ABLIM2: variants seen among roughly 807,000 people sequenced by gnomAD.
ABLIM2 encodes the protein actin binding LIM protein family member 2, also known as actin-binding LIM protein 2.
In ABLIM2, 53 loss-of-function variants were observed where a neutral mutation model predicts 97.7. The observed-to-expected ratio is 0.54, with a 90% confidence interval of 0.44 to 0.68. ABLIM2 has a LOEUF of 0.68. ABLIM2 is among the 30% of genes least tolerant of loss of function. The pLI is 0.00. For synonymous variants in ABLIM2, 361 were observed against 345.8 expected (o/e 1.04, Z -0.49); for missense variants, 835 against 867.2 (o/e 0.96, Z 0.47).
chr4:8,044,844 A>C lies in ABLIM2; in HGVS notation c.900+320T>G, dbSNP rs895107413. On this transcript the variant is annotated intron_variant, in intron 9 of 20. Coordinates refer to ENST00000447017, the MANE Select transcript of ABLIM2 (RefSeq NM_001130083.2). The surrounding 1 kb of genome is among the most constrained non-coding windows in gnomAD (Gnocchi z 4.4). ...CCGCCTGGGTGTCTGGCAAGCCCCA[A>C]CTGTCGGCTGTTGATGTGACGTGTC... Among the ~76,000 whole-genome samples, 1 of 152,176 alleles carries C rather than the reference A, an allele frequency of 6.6e-6. No individual in the cohort carries two copies. Among genetic ancestry groups the C allele is most frequent in the Non-Finnish European group, 1.5e-5 (1 of 68,036 alleles).
chr4:8,056,611 A>T (rs56412105), intron 7 of ABLIM2, among the ~76,000 whole-genome samples: 94,395 of 151,324 alleles, frequency 0.62, 30,110 homozygotes, highest in East Asian at 0.94. Context: ...TACAGACACA[A>T]TTTCATATCC....
In ABLIM2 at chr4:8,083,229, G is replaced by C. The variant is rs192776145; in HGVS notation, c.455-2427C>G. On this transcript the variant is annotated intron_variant, in intron 4 of 20. Coordinates refer to ENST00000447017, the MANE Select transcript of ABLIM2 (RefSeq NM_001130083.2). This position sits in a 1 kb window ranked among gnomAD's most constrained non-coding sequence, Gnocchi z 4.6. ...CAGAGGACAGACAGCAGACAGCAGC[G>C]GTCAGATCCCAGCAATGCCCCCCAC... Among the ~76,000 whole-genome samples, 60 of 152,296 alleles carry C rather than the reference G, an allele frequency of 3.9e-4. No homozygotes were observed. Among genetic ancestry groups the C allele is most frequent in the South Asian group, 6.2e-4 (3 of 4,820 alleles).
Position 8,072,570 on chromosome 4 carries a change from T to G in ABLIM2, c.675+5058A>C, listed in dbSNP as rs539251089. On this transcript the variant is annotated intron_variant, in intron 6 of 20. Coordinates refer to ENST00000447017, the MANE Select transcript of ABLIM2 (RefSeq NM_001130083.2). The surrounding 1 kb of genome is among the most constrained non-coding windows in gnomAD (Gnocchi z 5.8). ...ACCAGATGTTCCAACGTGGCTATGC[T>G]ATTAAGCCAAAAATGCAAACCTGCA... is the stretch of plus-strand genomic sequence containing the variant. Among the ~76,000 whole-genome samples, 44 of 152,294 alleles carry G rather than the reference T, an allele frequency of 2.9e-4. No individual in the cohort carries two copies. The highest frequency in any genetic ancestry group is 1.0e-3 in the African/African-American group (43 of 41,566).
Position 8,054,470 on chromosome 4 carries a change from G to A in ABLIM2, c.764-224C>T, listed in dbSNP as rs1320060. Among the ~76,000 whole-genome samples, 28,870 of 152,236 alleles carry A rather than the reference G, an allele frequency of 0.19. 3,034 individuals are homozygous for A. The highest frequency in any genetic ancestry group is 0.31 in the South Asian group (1,500 of 4,828). ...GGGGCTCACAGCCCAGTTGTGGGAC[G>A]GAGGCAGCAAACAAACAGGGAAATG... On this transcript the variant is annotated intron_variant, in intron 7 of 20. Coordinates refer to ENST00000447017, the MANE Select transcript of ABLIM2 (RefSeq NM_001130083.2). This position sits in a 1 kb window ranked among gnomAD's most constrained non-coding sequence, Gnocchi z 4.9.
chr4:8,008,675 G>A (rs547558389), intron 15 of ABLIM2, among the ~76,000 whole-genome samples: 7 of 152,336 alleles, frequency 4.6e-5, no homozygotes, highest in African/African-American at 7.2e-5. Flanking sequence ...TAGCTGCATC[G>A]GAGATGGTTC....
rs565753710 is a variant in ABLIM2 at position 8,106,729 on chromosome 4, C to T, written c.11-92G>A. On this transcript the variant is annotated intron_variant, in intron 1 of 20. Coordinates refer to ENST00000447017, the MANE Select transcript of ABLIM2 (RefSeq NM_001130083.2). Reference sequence around the variant, plus strand: ...GGCGTGTGAGGACGCACAGCTGACCCTGCCAGCGGGCCCCGCACCCACCAG... The same window carrying T: ...GGCGTGTGAGGACGCACAGCTGACCTTGCCAGCGGGCCCCGCACCCACCAG... 1.3e-4 allele frequency: 186 copies of T among 1,458,086 alleles called. 3 individuals are homozygous for T. The African/African-American group carries it at 2.3e-3, about 18-fold the overall frequency. 90.3% of individuals were successfully genotyped at this position (1,458,086 alleles called of 1,614,324 possible). A position where few individuals can be genotyped will look rare whatever the true frequency, so the allele number is the denominator to read the frequency against.
Position 7,970,465 on chromosome 4 carries a change from G to T in ABLIM2, c.1825-3362C>A, listed in dbSNP as rs544154262. ...AGCTGGCATCAGGTCTTTGCTGGAG[G>T]AGGGAGGAGTGGAGAGGGAGCGGAT... On this transcript the variant is annotated intron_variant, in intron 20 of 20. Transcript: ENST00000447017. The surrounding 1 kb of genome is among the most constrained non-coding windows in gnomAD (Gnocchi z 5.3). 6.6e-6 allele frequency among the ~76,000 whole-genome samples: 1 copy of T among 152,222 alleles called. No individual in the cohort carries two copies. Among genetic ancestry groups the T allele is most frequent in the Non-Finnish European group, 1.5e-5 (1 of 68,006 alleles).
Position 8,005,188 on chromosome 4 carries a change from G to A in ABLIM2, c.1618+2871C>T, listed in dbSNP as rs1234997033. 20 of 409,914 alleles carry A rather than the reference G, an allele frequency of 4.9e-5. No individual in the cohort carries two copies. Among genetic ancestry groups the A allele is most frequent in the East Asian group, 1.9e-4 (3 of 15,452 alleles). 25.4% of individuals were successfully genotyped at this position (409,914 alleles called of 1,614,324 possible). A position where few individuals can be genotyped will look rare whatever the true frequency, so the allele number is the denominator to read the frequency against. On this transcript the variant is annotated intron_variant, in intron 16 of 20. Coordinates refer to ENST00000447017, the MANE Select transcript of ABLIM2 (RefSeq NM_001130083.2). This position sits in a 1 kb window ranked among gnomAD's most constrained non-coding sequence, Gnocchi z 4.9. ...CGGCGGGCAGGCGGCGGCGGGATGC[G>A]TGTGCGCTCGCTCTGTCGGCGTCTC... is the stretch of plus-strand genomic sequence containing the variant.
Position 8,005,323 on chromosome 4 carries a change from T to A in ABLIM2, c.1618+2736A>T, listed in dbSNP as rs746404270. The A allele has an allele frequency of 1.5e-5, 8 of 532,974 alleles. No individual in the cohort carries two copies. The highest frequency in any genetic ancestry group is 3.1e-5 in the Non-Finnish European group (8 of 259,890). The allele number at this position is 532,974 out of a possible 1,614,324, so 33.0% of individuals were successfully genotyped here. A position where few individuals can be genotyped will look rare whatever the true frequency, so the allele number is the denominator to read the frequency against. Reference sequence around the variant, plus strand: ...TGGCACAGAGTGGGTGCTCAATAAATACCCGTTGAATGTAACGCATTTCAA... The same window carrying A: ...TGGCACAGAGTGGGTGCTCAATAAAAACCCGTTGAATGTAACGCATTTCAA... On this transcript the variant is annotated intron_variant, in intron 16 of 20. Coordinates refer to ENST00000447017, the MANE Select transcript of ABLIM2 (RefSeq NM_001130083.2). The surrounding 1 kb of genome is among the most constrained non-coding windows in gnomAD (Gnocchi z 4.9).
chr4:8,045,258 G>T lies in ABLIM2; in HGVS notation c.823-17C>A. The T allele has an allele frequency of 1.2e-6, 2 of 1,606,646 alleles. No homozygotes were observed. Among genetic ancestry groups the T allele is most frequent in the Non-Finnish European group, 1.7e-6 (2 of 1,173,102 alleles). On this transcript the variant is annotated splice_polypyrimidine_tract_variant and intron_variant, in intron 8 of 20. Coordinates refer to ENST00000447017, the MANE Select transcript of ABLIM2 (RefSeq NM_001130083.2). ...TCTGGTTTCCTGAGAAAGGAGAGAG[G>T]AAGAGATTGAAGGCAGGTACCAACA...
At chr4:8,012,631 C>CCCAT (rs1331197380) in intron 14 of ABLIM2, among the ~76,000 whole-genome samples, 27 of 151,012 alleles carry the variant, frequency 1.8e-4, no homozygotes, top group African/African-American at 6.6e-4. Flanking sequence ...CATCCATCTA[C>CCCAT]CCATCCATCC....
chr4:8,032,537 G>T lies in ABLIM2; in HGVS notation c.1048-2761C>A. On this transcript the variant is annotated intron_variant, in intron 10 of 20. Coordinates refer to ENST00000447017, the MANE Select transcript of ABLIM2 (RefSeq NM_001130083.2). The surrounding 1 kb of genome is among the most constrained non-coding windows in gnomAD (Gnocchi z 4.3). Reference sequence around the variant, plus strand: ...CAAGGGCCGTGGCCCCGGGCCCCATGGTGAAGAGCCACCGAGGAGGCCCTT... The same window carrying T: ...CAAGGGCCGTGGCCCCGGGCCCCATTGTGAAGAGCCACCGAGGAGGCCCTT... 2 of 1,410,158 alleles carry T rather than the reference G, an allele frequency of 1.4e-6. No homozygotes were observed. Among genetic ancestry groups the T allele is most frequent in the Non-Finnish European group, 2.0e-6 (2 of 1,009,912 alleles). 87.4% of individuals were successfully genotyped at this position (1,410,158 alleles called of 1,614,324 possible). A position where few individuals can be genotyped will look rare whatever the true frequency, so the allele number is the denominator to read the frequency against.
chr4:8,007,382 A>G, intron 16 of ABLIM2: 1 of 985,468 alleles, frequency 1.0e-6, no homozygotes, highest in Non-Finnish European at 1.2e-6. Flanking sequence ...TTCGAAGCTA[A>G]GCCCAAGCCT....
Position 8,134,040 on chromosome 4 carries a change from G to A in ABLIM2, c.10+24640C>T, listed in dbSNP as rs573339481. ...GGTGAGTGCCCTCTGCAGCTGCTAC[G>A]GCTGCCATGGGCACAGGCGGGCGGA... On this transcript the variant is annotated intron_variant, in intron 1 of 20. Transcript: ENST00000447017. 5.3e-5 allele frequency among the ~76,000 whole-genome samples: 8 copies of A among 152,334 alleles called. No individual in the cohort carries two copies. In the South Asian group the frequency reaches 1.7e-3, roughly 32 times the overall value.
Position 8,036,224 on chromosome 4 carries a change from G to A in ABLIM2, c.972C>T (p.Asp324=). Reference sequence around the variant, plus strand: ...AGGAGATCATGTCGGGGCGGTCGATGTCATAGATGGCCTTACTTTTAGGAA... The same window carrying A: ...AGGAGATCATGTCGGGGCGGTCGATATCATAGATGGCCTTACTTTTAGGAA... ...AALPKSKAIY[D]IDRPDMISYS... is the part of the protein sequence containing the mutation. The change falls in exon 10 of 21, where the codon GAC becomes GAT. Residue 324 remains aspartate (D), a synonymous_variant. Transcript: ENST00000447017. 6.2e-7 allele frequency: 1 copy of A among 1,613,902 alleles called. No homozygotes were observed.
chr4:8,037,159 GTTGT>G (rs1784996214), intron 9 of ABLIM2, among the ~76,000 whole-genome samples: 1 of 151,928 alleles, frequency 6.6e-6, no homozygotes, highest in Admixed American at 6.6e-5. Flanking sequence ...ATTTTTTATT[GTTGT>G]TTGCTATTTT....
rs778127318 is a variant in ABLIM2 at position 8,123,443 on chromosome 4, C to A, written c.11-16806G>T. 6.6e-6 allele frequency among the ~76,000 whole-genome samples: 1 copy of A among 152,168 alleles called. No individual in the cohort carries two copies. The highest frequency in any genetic ancestry group is 3.2e-3 in the Middle Eastern group (1 of 316). ...CTGGTTTTCTGCCTGTCTGCCCTCC[C>A]GTCTCCCCCTCAAATTCCTGACCCT... On this transcript the variant is annotated intron_variant, in intron 1 of 20. Transcript: ENST00000447017. The surrounding 1 kb of genome is among the most constrained non-coding windows in gnomAD (Gnocchi z 6.2).
rs977300378 is a variant in ABLIM2, at chr4:8,120,327, G to T, written c.11-13690C>A. 6.6e-6 allele frequency among the ~76,000 whole-genome samples: 1 copy of T among 152,180 alleles called. No homozygotes were observed. The highest frequency in any genetic ancestry group is 1.5e-5 in the Non-Finnish European group (1 of 68,028). ...GTGTTCGGAGACGGGGCCTTCAAAG[G>T]TGTCGTTATGGTAAAGCAAGGTGAT... On this transcript the variant is annotated intron_variant, in intron 1 of 20. Coordinates refer to ENST00000447017, the MANE Select transcript of ABLIM2 (RefSeq NM_001130083.2). The surrounding 1 kb of genome is among the most constrained non-coding windows in gnomAD (Gnocchi z 5.6).
chr4:8,062,156 A>G (rs1580207564), intron 6 of ABLIM2, among the ~76,000 whole-genome samples: 1 of 151,326 alleles, frequency 6.6e-6, no homozygotes, highest in Non-Finnish European at 1.5e-5. Context: ...ATCTCATCCC[A>G]CCTGCCACCT....
Sources: gnomAD v4.1 joint callset for allele counts (sites outside exome capture counted in the v4.1 genomes callset) on GRCh38, gnomAD v4.1.1 for gene constraint, Gnocchi (gnomAD v3.1) non-coding constraint, MANE v1.5 for transcripts, NCBI Gene and HGNC (gene_info 2026-07-23, HGNC 2026-07-21) for gene names.